The following PCDHGA12 variants were observed in gnomAD, a reference collection of about 807,000 sequenced individuals.
PCDHGA12 encodes protocadherin gamma-A12.
Under a neutral mutation model 61.1 loss-of-function variants are expected in PCDHGA12, and 43 were observed. The observed-to-expected ratio is 0.70, with a 90% confidence interval of 0.55 to 0.91. The LOEUF (loss-of-function observed/expected upper bound fraction) is 0.91. PCDHGA12 is among the 40% of genes least tolerant of loss of function. PCDHGA12 has a pLI of 0.00. For synonymous variants in PCDHGA12, 520 were observed against 542.9 expected (o/e 0.96, Z 0.59); for missense variants, 1,236 against 1,227.7 (o/e 1.01, Z -0.10).
Position 141,432,623 on chromosome 5 carries a change from C to T in PCDHGA12, c.1864C>T (p.His622Tyr), listed in dbSNP as rs1047752183. ...SEPGLFSVGL[H>Y]TGEVRTARAL... Reference sequence around the variant, plus strand: ...GCCGGGACTCTTCTCGGTGGGTCTGCACACGGGCGAGGTGCGCACGGCGCG... The same window carrying T: ...GCCGGGACTCTTCTCGGTGGGTCTGTACACGGGCGAGGTGCGCACGGCGCG... Residue 622 changes from histidine to tyrosine, a missense_variant, in exon 1 of 4, where the codon CAC (histidine) becomes TAC (tyrosine). Coordinates refer to ENST00000252085, the MANE Select transcript of PCDHGA12 (RefSeq NM_003735.3). The surrounding 1 kb of genome is among the most constrained non-coding windows in gnomAD (Gnocchi z 6.0). The T allele has an allele frequency of 1.2e-6, 2 of 1,613,196 alleles. No homozygotes were observed. The highest frequency in any genetic ancestry group is 2.2e-5 in the East Asian group (1 of 44,792).
At chr5:141,464,278 G>GAAAA (rs2099080310) in intron 1 of PCDHGA12, among the ~76,000 whole-genome samples, 1 of 121,594 alleles carries the variant, frequency 8.2e-6, no homozygotes. Context: ...AAAAAAAAAA[G>GAAAA]CAAAAAAAAA....
At chr5:141,481,813 G>A (rs185558948) in intron 1 of PCDHGA12, among the ~76,000 whole-genome samples, 15 of 151,942 alleles carry the variant, frequency 9.9e-5, no homozygotes, top group East Asian at 7.8e-4. Context: ...TTCACCAGGC[G>A]TGGTGGCTGA....
At chr5:141,464,407 A>G (rs996561936) in intron 1 of PCDHGA12, among the ~76,000 whole-genome samples, 1 of 151,544 alleles carries the variant, frequency 6.6e-6, no homozygotes, top group Non-Finnish European at 1.5e-5. Flanking sequence ...CCTGAGATAT[A>G]TATATATCTA....
At chr5:141,466,036 G>A (rs981390655) in intron 1 of PCDHGA12, among the ~76,000 whole-genome samples, 17 of 152,064 alleles carry the variant, frequency 1.1e-4, no homozygotes, top group Non-Finnish European at 2.5e-4. Flanking sequence ...GCAGGAGAAC[G>A]GCATGAACCC....
intron 1 of PCDHGA12, among the ~76,000 whole-genome samples, chr5:141,464,076 C>A (rs561982216): frequency 3.1e-4 from 47 of 152,132 alleles, no homozygotes; most frequent in African/African-American, 9.4e-4. Context: ...GCCAGCCTGG[C>A]CAACATGGTG....
rs753538822 is a variant in PCDHGA12, at chr5:141,476,676, G to C, written c.2425-18131G>C. 6 of 1,614,222 alleles carry C rather than the reference G, an allele frequency of 3.7e-6. No individual in the cohort carries two copies. Among genetic ancestry groups the C allele is most frequent in the Non-Finnish European group, 4.2e-6 (5 of 1,180,054 alleles). ...TACTTTGCGCTTCGCGTGCAGACGCGGGAGGACAGCACCAAGTACGCGGAG... is the reference window on the plus strand; with the variant it reads ...TACTTTGCGCTTCGCGTGCAGACGCCGGAGGACAGCACCAAGTACGCGGAG... On this transcript the variant is annotated intron_variant, in intron 1 of 3. Transcript: ENST00000252085. The surrounding 1 kb of genome is among the most constrained non-coding windows in gnomAD (Gnocchi z 7.6).
rs144789830 is a variant in PCDHGA12 at position 141,503,198 on chromosome 5, C to T, written c.2484-2195C>T. Among the ~76,000 whole-genome samples the T allele has an allele frequency of 3.7e-3, 561 of 152,172 alleles. 5 individuals carry two copies. Among genetic ancestry groups the T allele is most frequent in the Admixed American group, 0.011 (164 of 15,268 alleles). ...TATTGTGTAATTATTTAAAATCAGC[C>T]TCTCAGTGCCCACCATGAGCACCGT... On this transcript the variant is annotated intron_variant, in intron 2 of 3. Coordinates refer to ENST00000252085, the MANE Select transcript of PCDHGA12 (RefSeq NM_003735.3).
intron 2 of PCDHGA12, among the ~76,000 whole-genome samples, chr5:141,499,102 C>T (rs1172661012): frequency 1.3e-5 from 2 of 152,170 alleles, no homozygotes; most frequent in Admixed American, 6.5e-5. Context: ...TGCTTCTCCT[C>T]CCCACCACTA....
In PCDHGA12 at chr5:141,511,106, G is replaced by A. The variant is rs536900646; in HGVS notation, c.2732G>A (p.Arg911Gln). 4.6e-5 allele frequency: 75 copies of A among 1,614,196 alleles called. No individual in the cohort carries two copies. In the East Asian group the frequency reaches 5.8e-4, roughly 12 times the overall value. Reference protein sequence around the residue: ...NATLTNAAGKRDGKAPAGGNG... With the variant: ...NATLTNAAGKQDGKAPAGGNG... ...ACACTGACCAACGCAGCTGGCAAGC[G>A]GGATGGCAAGGCCCCAGCAGGTGGC... The change falls in exon 4 of 4, where the codon CGG (arginine) becomes CAG (glutamine). Residue 911 changes from arginine (R) to glutamine (Q), a missense_variant. Coordinates refer to ENST00000252085, the MANE Select transcript of PCDHGA12 (RefSeq NM_003735.3).
intron 1 of PCDHGA12, among the ~76,000 whole-genome samples, chr5:141,453,176 C>T (rs1225418058): frequency 6.6e-6 from 1 of 152,042 alleles, no homozygotes; most frequent in Non-Finnish European, 1.5e-5. Flanking sequence ...TCCAGTGGTA[C>T]AATCACAGCT....
In PCDHGA12 at chr5:141,489,522, C is replaced by T. The variant is rs371948070; in HGVS notation, c.2425-5285C>T. 2.5e-6 allele frequency: 4 copies of T among 1,614,088 alleles called. No individual in the cohort carries two copies. Among genetic ancestry groups the T allele is most frequent in the Non-Finnish European group, 3.4e-6 (4 of 1,180,036 alleles). On this transcript the variant is annotated intron_variant, in intron 1 of 3. Coordinates refer to ENST00000252085, the MANE Select transcript of PCDHGA12 (RefSeq NM_003735.3). The surrounding 1 kb of genome is among the most constrained non-coding windows in gnomAD (Gnocchi z 4.5). ...TGAATCAAAAGATTGACCGAGAAAG[C>T]CTATGTGGAGCCAGCACCAGCTGCC...
chr5:141,431,767 T>C lies in PCDHGA12; in HGVS notation c.1008T>C (p.Thr336=). The C allele has an allele frequency of 1.2e-6, 2 of 1,614,224 alleles. No homozygotes were observed. Among genetic ancestry groups the C allele is most frequent in the Non-Finnish European group, 1.7e-6 (2 of 1,180,034 alleles). ...GYSARAKVLI[T]VLDVNDNAPE... ...CTGCGCGAGCCAAAGTCCTGATCAC[T>C]GTTCTGGACGTGAACGACAATGCCC... The change falls in exon 1 of 4, where the codon ACT becomes ACC. Residue 336 remains threonine, a synonymous_variant. Coordinates refer to ENST00000252085, the MANE Select transcript of PCDHGA12 (RefSeq NM_003735.3). This position sits in a 1 kb window ranked among gnomAD's most constrained non-coding sequence, Gnocchi z 4.8.
rs542113846 is a variant in PCDHGA12 at position 141,433,037 on chromosome 5, A to G, written c.2278A>G (p.Thr760Ala). ...GACCTATTCCCACGAGGTTTCCCTCACCACGGACTCGCGGAAGAGTCACCT... is the reference window on the plus strand; with the variant it reads ...GACCTATTCCCACGAGGTTTCCCTCGCCACGGACTCGCGGAAGAGTCACCT... ...LQTYSHEVSL[T>A]TDSRKSHLIF... Residue 760 changes from threonine to alanine, a missense_variant, in exon 1 of 4, where the codon ACC (threonine) becomes GCC (alanine). Physicochemically the swap from Thr to Ala is moderately conservative, Grantham distance 58 (BLOSUM62 0). Coordinates refer to ENST00000252085, the MANE Select transcript of PCDHGA12 (RefSeq NM_003735.3). 249 of 1,614,172 alleles carry G rather than the reference A, an allele frequency of 1.5e-4. 6 individuals are homozygous for G. The South Asian group carries it at 2.5e-3, about 16-fold the overall frequency.
chr5:141,503,506 G>A (rs2099820313), intron 2 of PCDHGA12, among the ~76,000 whole-genome samples: 1 of 151,616 alleles, frequency 6.6e-6, no homozygotes, highest in African/African-American at 2.4e-5. Context: ...GGCTGAGGCA[G>A]GAGAATCACT....
In PCDHGA12 at chr5:141,491,737, G is replaced by A; in HGVS notation, c.2425-3070G>A. The A allele has an allele frequency of 6.2e-7, 1 of 1,600,586 alleles. No homozygotes were observed. Among genetic ancestry groups the A allele is most frequent in the Non-Finnish European group, 8.5e-7 (1 of 1,174,266 alleles). On this transcript the variant is annotated intron_variant, in intron 1 of 3. Coordinates refer to ENST00000252085, the MANE Select transcript of PCDHGA12 (RefSeq NM_003735.3). This position sits in a 1 kb window ranked among gnomAD's most constrained non-coding sequence, Gnocchi z 6.9. ...GGCGCCGCCCCGGGCGACCCCTGGG[G>A]GCGGCACTGGAGAAGCCGCCCGTCC...
At chr5:141,483,919 G>T (rs912152955) in intron 1 of PCDHGA12, among the ~76,000 whole-genome samples, 2 of 151,008 alleles carry the variant, frequency 1.3e-5, no homozygotes, top group South Asian at 2.1e-4. Flanking sequence ...CACTCAGATT[G>T]CAGGTCGTAG....
At chr5:141,488,042 G>T (rs2099670966) in intron 1 of PCDHGA12, among the ~76,000 whole-genome samples, 1 of 152,168 alleles carries the variant, frequency 6.6e-6, no homozygotes, top group Non-Finnish European at 1.5e-5. Context: ...TTTCCCAAGG[G>T]ATTGAGGGGA....
chr5:141,463,510 G>A (rs1031854898), intron 1 of PCDHGA12, among the ~76,000 whole-genome samples: 4 of 143,710 alleles, frequency 2.8e-5, no homozygotes, highest in Non-Finnish European at 4.5e-5. Context: ...GTGACGTGGC[G>A]TGATCTCGGC....
At chr5:141,445,963 A>G (rs2098483291) in intron 1 of PCDHGA12, among the ~76,000 whole-genome samples, 2 of 152,342 alleles carry the variant, frequency 1.3e-5, no homozygotes, top group South Asian at 2.1e-4. Flanking sequence ...TATATGGAGA[A>G]TTGATTTATG....
Sources: allele counts gnomAD v4.1 joint callset (sites outside exome capture counted in the v4.1 genomes callset), GRCh38; gene constraint gnomAD v4.1.1; non-coding constraint Gnocchi (gnomAD v3.1); transcripts MANE v1.5; gene names NCBI Gene and HGNC (gene_info 2026-07-23, HGNC 2026-07-21).